The following AP5Z1 variants were observed in gnomAD, a reference collection of about 807,000 sequenced individuals.
AP5Z1 encodes the protein adaptor related protein complex 5 subunit zeta 1, also known as AP-5 complex subunit zeta-1.
In AP5Z1, 106 loss-of-function variants were observed where a neutral mutation model predicts 83.0. That is an observed-to-expected ratio of 1.28 (90% CI 1.09 to 1.50). AP5Z1 has a LOEUF of 1.50. AP5Z1 is among the 40% of genes most tolerant of loss of function. The pLI, the probability that AP5Z1 is intolerant of heterozygous loss-of-function variation, is 0.00. For missense variants in AP5Z1, 1,565 were observed against 1,094.2 expected (o/e 1.43, Z -6.07); for synonymous variants, 751 against 514.1 (o/e 1.46, Z -6.23).
intron 16 of AP5Z1, 59 bp downstream of exon 16, chr7:4,790,946 G>A (rs1781748130): frequency 6.6e-7 from 1 of 1,510,536 alleles, no homozygotes; most frequent in Non-Finnish European, 8.9e-7. Flanking sequence ...GGTGGCTTCT[G>A]AGGTCTTCCC....
At chr7:4,791,062 C>A in intron 16 of AP5Z1, 53 bp from the exon 17 acceptor site, 2 of 1,511,786 alleles carry the variant, frequency 1.3e-6, no homozygotes, top group East Asian at 4.8e-5. Context: ...CACACAGACC[C>A]CTGTCCTGGG....
At chr7:4,789,203 C>A (rs542742142) in intron 13 of AP5Z1, among the ~76,000 whole-genome samples, 2 of 146,022 alleles carry the variant, frequency 1.4e-5, no homozygotes, top group South Asian at 2.1e-4. Flanking sequence ...CGGCAGGCCA[C>A]GTCCCCCAAT....
intron 3 of AP5Z1, among the ~76,000 whole-genome samples, chr7:4,782,211 C>T (rs1483599093): frequency 2.0e-5 from 3 of 152,130 alleles, no homozygotes; most frequent in Non-Finnish European, 4.4e-5. Flanking sequence ...CATCACCACA[C>T]CCAGTTAATG....
At chr7:4,778,426 C>T (rs1404843695) in intron 1 of AP5Z1, among the ~76,000 whole-genome samples, 2 of 152,082 alleles carry the variant, frequency 1.3e-5, no homozygotes, top group East Asian at 3.9e-4. Context: ...GAGCCTCAGC[C>T]CACTAGCTCG....
intron 10 of AP5Z1, 111 bp from the exon 11 acceptor site, chr7:4,787,523 C>T (rs1355046539): frequency 3.7e-5 from 53 of 1,419,246 alleles, no homozygotes; most frequent in Non-Finnish European, 4.8e-5. Context: ...AGGTAGAAGC[C>T]CTCCTGGGGA....
chr7:4,779,757 C>T (rs7798106), intron 1 of AP5Z1, among the ~76,000 whole-genome samples: 9,151 of 152,036 alleles, frequency 0.06, 346 homozygotes, highest in African/African-American at 0.1. Context: ...TCTCCTGCCT[C>T]AGCCTCCTGA....
intron 10 of AP5Z1, 50 bp from the exon 11 acceptor site, chr7:4,787,584 C>T (rs369045481): frequency 4.9e-5 from 75 of 1,524,346 alleles, no homozygotes; most frequent in African/African-American, 1.7e-4. Context: ...CCCTCTGCCG[C>T]CTGCTCCACA....
At chr7:4,783,292 G>C (rs772740975) in intron 3 of AP5Z1, 24 bp from the exon 4 acceptor site, 7 of 1,581,008 alleles carry the variant, frequency 4.4e-6, no homozygotes, top group Middle Eastern at 1.7e-4. Flanking sequence ...CAGTACCCCA[G>C]CGTTTGCCCT....
rs199981070 is a variant in AP5Z1 at position 4,791,348 on chromosome 7, G to C, written c.2387G>C (p.Arg796Pro). Residue 796 changes from arginine to proline, a missense_variant, in exon 17 of 17, where the codon CGG (arginine) becomes CCG (proline). By Grantham distance (103) the Arg-to-Pro change is moderately radical. Transcript: ENST00000649063. ...ALPLALRTVS[R>P]LVEREAGLMP... Reference sequence around the variant, plus strand: ...CCCCTGGCCCTGCGCACGGTCAGCCGGCTGGTGGAGAGGGAGGCCGGCCTC... The same window carrying C: ...CCCCTGGCCCTGCGCACGGTCAGCCCGCTGGTGGAGAGGGAGGCCGGCCTC... 1.2e-6 allele frequency: 2 copies of C among 1,608,726 alleles called. No individual in the cohort carries two copies. Among genetic ancestry groups the C allele is most frequent in the East Asian group, 2.2e-5 (1 of 44,694 alleles).
rs1395360669 is a variant in AP5Z1, at chr7:4,784,936, T to G, written c.819T>G (p.Thr273=). Residue 273 remains threonine, a synonymous_variant, in exon 7 of 17, where the codon ACT becomes ACG. Transcript: ENST00000649063. The part of the protein sequence containing the change: ...TDDRSEQEGS[T]LSVISATSSA... ...ACAGGTCAGAGCAGGAGGGCTCCAC[T>G]CTGTCGGTGATCTCCGCCACCTCCT... 11 of 1,611,860 alleles carry G rather than the reference T, an allele frequency of 6.8e-6. No homozygotes were observed. The highest frequency in any genetic ancestry group is 2.7e-5 in the African/African-American group (2 of 74,884).
At chr7:4,782,925 G>T (rs1781420048) in intron 3 of AP5Z1, among the ~76,000 whole-genome samples, 1 of 152,214 alleles carries the variant, frequency 6.6e-6, no homozygotes, top group African/African-American at 2.4e-5. Context: ...GGTGTCTCTG[G>T]TGCTGCTCAG....
chr7:4,788,910 G>C lies in AP5Z1; in HGVS notation c.1666G>C (p.Val556Leu), dbSNP rs200982051. 6.2e-7 allele frequency: 1 copy of C among 1,611,342 alleles called. No individual in the cohort carries two copies. The highest frequency in any genetic ancestry group is 8.5e-7 in the Non-Finnish European group (1 of 1,179,470). Residue 556 changes from valine (V) to leucine (L), a missense_variant, in exon 13 of 17, where the codon GTG becomes CTG. Transcript: ENST00000649063. ...CCGCGTGGCCCAGTGTGCCCAGGCC[G>C]TGCCCACGCTGCTGCAGGCATTCTT... ...CARVAQCAQA[V>L]PTLLQAFFSA...
chr7:4,790,539 TC>T lies in AP5Z1; in HGVS notation c.1888del (p.Leu630TrpfsTer4). On this transcript the variant is annotated frameshift_variant, in exon 15 of 17. Transcript: ENST00000649063. LOFTEE classifies it high-confidence loss of function. ...VVELARDLLE[F>X]LGSVNGLCSR... Reference sequence around the variant, plus strand: ...GAGCTGGCAAGAGACCTGCTGGAGTTCCTGGGCAGCGTGAATGGTCTCTGCA... The same window carrying T: ...GAGCTGGCAAGAGACCTGCTGGAGTTCTGGGCAGCGTGAATGGTCTCTGCA... 2 of 1,613,138 alleles carry T rather than the reference TC, an allele frequency of 1.2e-6. No homozygotes were observed. The highest frequency in any genetic ancestry group is 1.3e-5 in the African/African-American group (1 of 75,052).
intron 3 of AP5Z1, among the ~76,000 whole-genome samples, chr7:4,783,067 T>C (rs551180541): frequency 6.6e-5 from 10 of 152,272 alleles, no homozygotes; most frequent in African/African-American, 2.2e-4. Context: ...GTTTTTAGCA[T>C]TGAATCAGCC....
Position 4,789,861 on chromosome 7 carries a change from G to C in AP5Z1, c.1737G>C (p.Leu579=). 1.9e-6 allele frequency: 3 copies of C among 1,552,758 alleles called. No individual in the cohort carries two copies. Among genetic ancestry groups the C allele is most frequent in the Non-Finnish European group, 2.6e-6 (3 of 1,148,326 alleles). The change falls in exon 14 of 17, where the codon CTG becomes CTC. Residue 579 remains leucine, a synonymous_variant. Coordinates refer to ENST00000649063, the MANE Select transcript of AP5Z1 (RefSeq NM_014855.3). The stretch of plus-strand genomic sequence containing the variant: ...CTGACGGGTCCCTGATCAACCAGCT[G>C]GCGCTGCTGCTCCTGGGCAGGAGCG... ...QVADGSLINQ[L]ALLLLGRSDS...
chr7:4,790,291 A>C, intron 14 of AP5Z1, 168 bp from the exon 15 acceptor site: 1 of 1,544,144 alleles, frequency 6.5e-7, no homozygotes, highest in Non-Finnish European at 8.7e-7. Context: ...CCTTCTCCCC[A>C]GTGAGAACAG....
intron 6 of AP5Z1, 109 bp from the exon 7 acceptor site, chr7:4,784,799 G>A (rs1473022906): frequency 1.1e-5 from 15 of 1,410,286 alleles, no homozygotes; most frequent in East Asian, 7.8e-5. Context: ...CACGCCTCCC[G>A]GGAGGGGCTG....
At chr7:4,778,474 C>T (rs576301170) in intron 1 of AP5Z1, among the ~76,000 whole-genome samples, 148 of 151,938 alleles carry the variant, frequency 9.7e-4, no homozygotes, top group African/African-American at 3.4e-3. Flanking sequence ...AGGGTCTGTG[C>T]GAAGGGACAG....
Position 4,783,812 on chromosome 7 carries a change from T to C in AP5Z1, c.621+14T>C. 2 of 1,544,376 alleles carry C rather than the reference T, an allele frequency of 1.3e-6. No individual in the cohort carries two copies. The highest frequency in any genetic ancestry group is 2.4e-5 in the South Asian group (2 of 84,022). On this transcript the variant is annotated intron_variant, in intron 5 of 16. Coordinates refer to ENST00000649063, the MANE Select transcript of AP5Z1 (RefSeq NM_014855.3). ...AGGGCCCGGCAGGTGAGGCTGGGAC[T>C]GTTCTGGAACCATGGGGAACAGAGT...
Sources: allele counts gnomAD v4.1 joint callset (sites outside exome capture counted in the v4.1 genomes callset), GRCh38; gene constraint gnomAD v4.1.1; transcripts MANE v1.5; gene names NCBI Gene and HGNC (gene_info 2026-07-23, HGNC 2026-07-21).